SMYD3: variants seen among roughly 807,000 people sequenced by gnomAD.
SMYD3 encodes the protein SET and MYND domain containing 3, also known as histone-lysine N-methyltransferase SMYD3.
SMYD3 carries 36 observed loss-of-function variants against 57.7 expected under a neutral mutation model. That is an observed-to-expected ratio of 0.62 (90% confidence interval 0.48 to 0.82). SMYD3 has a LOEUF of 0.82. Ranked by LOEUF, SMYD3 falls within the 40% of genes least tolerant of loss-of-function variation. The probability of loss-of-function intolerance (pLI) is 0.00; values close to 1 mark genes in which losing one functional copy is unlikely to be tolerated. For missense variants in SMYD3, 515 were observed against 538.8 expected (o/e 0.96, Z 0.44); for synonymous variants, 211 against 195.0 (o/e 1.08, Z -0.68).
At chr1:246,267,723 A>G (rs1382744736) in intron 5 of SMYD3, among the ~76,000 whole-genome samples, 3 of 152,058 alleles carry the variant, frequency 2.0e-5, no homozygotes. Context: ...CTGGATTACA[A>G]CTCTAAGGCA....
chr1:246,360,406 T>C (rs2065969797), intron 1 of SMYD3, among the ~76,000 whole-genome samples: 1 of 151,630 alleles, frequency 6.6e-6, no homozygotes, highest in African/African-American at 2.4e-5. Flanking sequence ...TTCAATACAA[T>C]TCCCATCTAA....
chr1:245,925,299 T>G (rs1454982593), intron 7 of SMYD3, among the ~76,000 whole-genome samples: 1 of 152,212 alleles, frequency 6.6e-6, no homozygotes, highest in Non-Finnish European at 1.5e-5. Flanking sequence ...AGTGATGGTA[T>G]TTAGGTTATC....
chr1:246,062,160 C>T (rs2060265073), intron 5 of SMYD3, among the ~76,000 whole-genome samples: 1 of 141,618 alleles, frequency 7.1e-6, no homozygotes, highest in Non-Finnish European at 1.5e-5. Flanking sequence ...TTAGTTCATC[C>T]ACATGTGATT....
chr1:246,000,966 G>A (rs897493927), intron 5 of SMYD3, among the ~76,000 whole-genome samples: 1 of 152,182 alleles, frequency 6.6e-6, no homozygotes, highest in African/African-American at 2.4e-5. Context: ...TTTTGTCCGA[G>A]TAAGGTTTTC....
In SMYD3 at chr1:246,364,088, T is replaced by G. The variant is rs182245583; in HGVS notation, c.165-8994A>C. The stretch of plus-strand genomic sequence containing the variant: ...CTGAACCAAGGGATGCAGGACAAGC[T>G]GGAAAAGGCAAGGACACAGATTTTC... On this transcript the variant is annotated intron_variant, in intron 1 of 11. Coordinates refer to ENST00000490107, the MANE Select transcript of SMYD3 (RefSeq NM_001167740.2). Among the ~76,000 whole-genome samples, 375 of 152,126 alleles carry G rather than the reference T, an allele frequency of 2.5e-3. 2 individuals are homozygous for G. In the Middle Eastern group the frequency reaches 0.044, roughly 18 times the overall value.
intron 8 of SMYD3, among the ~76,000 whole-genome samples, chr1:245,904,305 C>T (rs1368475561): frequency 6.6e-6 from 1 of 152,140 alleles, no homozygotes; most frequent in African/African-American, 2.4e-5. Context: ...GCCTCTTCCT[C>T]TTCACTATGA....
chr1:246,342,597 G>C (rs1270203019), intron 2 of SMYD3, among the ~76,000 whole-genome samples: 1 of 152,186 alleles, frequency 6.6e-6, no homozygotes, highest in Non-Finnish European at 1.5e-5. Flanking sequence ...GAGCACACTA[G>C]AGATTAGTGA....
At chr1:246,087,470 T>C (rs961919891) in intron 5 of SMYD3, among the ~76,000 whole-genome samples, 1 of 152,202 alleles carries the variant, frequency 6.6e-6, no homozygotes, top group Non-Finnish European at 1.5e-5. Context: ...AGACCATTAG[T>C]TGTTCTTTTC....
intron 1 of SMYD3, among the ~76,000 whole-genome samples, chr1:246,390,463 T>C (rs2066542496): frequency 1.3e-5 from 2 of 152,094 alleles, no homozygotes; most frequent in Non-Finnish European, 2.9e-5. Context: ...AAAGTTACCA[T>C]ACTTCACTAG....
At chr1:245,851,754 C>T (rs774772779) in intron 10 of SMYD3, among the ~76,000 whole-genome samples, 8 of 152,104 alleles carry the variant, frequency 5.3e-5, no homozygotes, top group Admixed American at 4.6e-4. Flanking sequence ...GGGAGAGTTA[C>T]CAGAATAAAG....
At chr1:246,390,392 G>GGACA (rs1404346105) in intron 1 of SMYD3, among the ~76,000 whole-genome samples, 1 of 151,820 alleles carries the variant, frequency 6.6e-6, no homozygotes, top group Non-Finnish European at 1.5e-5. Flanking sequence ...ATATATAGAT[G>GGACA]GACAGTACAT....
At chr1:246,358,270 C>A (rs2065935954) in intron 1 of SMYD3, among the ~76,000 whole-genome samples, 1 of 151,940 alleles carries the variant, frequency 6.6e-6, no homozygotes, top group East Asian at 1.9e-4. Flanking sequence ...TATCACAATC[C>A]AAAATATATA....
intron 5 of SMYD3, among the ~76,000 whole-genome samples, chr1:246,178,276 A>G (rs1259475582): frequency 6.6e-6 from 1 of 152,188 alleles, no homozygotes; most frequent in Non-Finnish European, 1.5e-5. Context: ...ATCACCTTCA[A>G]GAATTTGATG....
chr1:246,271,062 GA>G (rs1353430100), intron 5 of SMYD3, among the ~76,000 whole-genome samples: 1 of 152,180 alleles, frequency 6.6e-6, no homozygotes, highest in Non-Finnish European at 1.5e-5. Flanking sequence ...TTTCCGTCAT[GA>G]TTAGTGATGC....
At chr1:246,415,015 C>G (rs1321542039) in intron 1 of SMYD3, among the ~76,000 whole-genome samples, 2 of 152,178 alleles carry the variant, frequency 1.3e-5, no homozygotes, top group African/African-American at 4.8e-5. Flanking sequence ...CCGCGCCCGG[C>G]TGGAGCCAGG....
At chr1:246,129,195 T>C (rs1191976678) in intron 5 of SMYD3, among the ~76,000 whole-genome samples, 3 of 152,048 alleles carry the variant, frequency 2.0e-5, no homozygotes, top group Non-Finnish European at 2.9e-5. Context: ...GTCTTCAAAA[T>C]CTCTCAATTT....
chr1:246,425,359 T>C (rs1183802729), intron 1 of SMYD3, among the ~76,000 whole-genome samples: 1 of 152,182 alleles, frequency 6.6e-6, no homozygotes, highest in Non-Finnish European at 1.5e-5. Context: ...AGTACATCCA[T>C]CTCCTCAGTT....
rs58792454 is a variant in SMYD3, at chr1:246,252,190, T to G, written c.531+75011A>C. Reference sequence around the variant, plus strand: ...ACTGTGCCCGGCTTTAGTAGGTGCCTCGGACACTGTGCCCGGCTTTAGTAG... The same window carrying G: ...ACTGTGCCCGGCTTTAGTAGGTGCCGCGGACACTGTGCCCGGCTTTAGTAG... On this transcript the variant is annotated intron_variant, in intron 5 of 11. Transcript: ENST00000490107. Among the ~76,000 whole-genome samples the G allele has an allele frequency of 7.5e-3, 694 of 92,682 alleles. 13 individuals are homozygous for G. The highest frequency in any genetic ancestry group is 0.011 in the Non-Finnish European group (498 of 47,404). The allele number at this position is 92,682 out of a possible 152,430, so 60.8% of individuals were successfully genotyped here.
intron 8 of SMYD3, among the ~76,000 whole-genome samples, chr1:245,877,639 G>A (rs1249312544): frequency 1.3e-5 from 2 of 152,192 alleles, no homozygotes; most frequent in Non-Finnish European, 2.9e-5. Flanking sequence ...GATAACCTGG[G>A]AGTAAGTCTG....
Sources: gnomAD v4.1 joint callset for allele counts (sites outside exome capture counted in the v4.1 genomes callset) on GRCh38, gnomAD v4.1.1 for gene constraint, MANE v1.5 for transcripts, NCBI Gene and HGNC (gene_info 2026-07-23, HGNC 2026-07-21) for gene names.